ZBTB20: variants seen among roughly 807,000 people sequenced by gnomAD.
The protein encoded by ZBTB20 is zinc finger and BTB domain containing 20.
ZBTB20 carries 9 observed loss-of-function variants against 56.9 expected under a neutral mutation model. That is an observed-to-expected ratio of 0.16 (90% CI 0.10 to 0.28). The LOEUF (loss-of-function observed/expected upper bound fraction) is 0.28, where lower values mean the gene tolerates loss of function less well. Ranked by LOEUF, ZBTB20 falls within the 10% of genes least tolerant of loss-of-function variation. The pLI is 1.00. For synonymous variants in ZBTB20, 417 were observed against 420.7 expected (o/e 0.99, Z 0.11); for missense variants, 655 against 1,003.0 (o/e 0.65, Z 4.69).
chr3:114,898,746 A>G (rs1222859006), intron 4 of ZBTB20, among the ~76,000 whole-genome samples: 1 of 152,138 alleles, frequency 6.6e-6, no homozygotes, highest in Non-Finnish European at 1.5e-5. Flanking sequence ...TAAAAATACA[A>G]AAAAGGATTC....
chr3:114,373,067 C>T (rs1287159413), intron 10 of ZBTB20, among the ~76,000 whole-genome samples: 1 of 151,998 alleles, frequency 6.6e-6, no homozygotes, highest in East Asian at 1.9e-4. Context: ...GAGGCACGTG[C>T]CACCATGCCC....
At chr3:114,782,397 A>AC (rs1359420236) in intron 5 of ZBTB20, among the ~76,000 whole-genome samples, 1 of 152,170 alleles carries the variant, frequency 6.6e-6, no homozygotes, top group Non-Finnish European at 1.5e-5. Context: ...TATCCAATGG[A>AC]GGGGCGTGTT....
At chr3:115,008,756 G>A (rs186551278) in intron 2 of ZBTB20, among the ~76,000 whole-genome samples, 5 of 151,846 alleles carry the variant, frequency 3.3e-5, no homozygotes, top group Admixed American at 1.3e-4. Context: ...TTTTTTCTTG[G>A]TAGGAGATAA....
intron 6 of ZBTB20, among the ~76,000 whole-genome samples, chr3:114,685,336 C>T (rs922385447): frequency 1.3e-5 from 2 of 152,086 alleles, no homozygotes; most frequent in African/African-American, 4.8e-5. Context: ...TGTATCAAGC[C>T]TCATGATTTC....
intron 5 of ZBTB20, among the ~76,000 whole-genome samples, chr3:114,751,256 T>C (rs538351812): frequency 6.6e-6 from 1 of 152,276 alleles, no homozygotes; most frequent in East Asian, 1.9e-4. Flanking sequence ...CAAGTACCTA[T>C]TATGTTCCAA....
chr3:114,609,223 A>G (rs1412626645), intron 6 of ZBTB20, among the ~76,000 whole-genome samples: 1 of 152,244 alleles, frequency 6.6e-6, no homozygotes, highest in African/African-American at 2.4e-5. Flanking sequence ...ACTAACCAAG[A>G]AACAAAAATA....
chr3:114,430,349 G>C (rs929918507), intron 7 of ZBTB20, among the ~76,000 whole-genome samples: 1 of 152,140 alleles, frequency 6.6e-6, no homozygotes, highest in Non-Finnish European at 1.5e-5. Flanking sequence ...ATTGTGTTTT[G>C]AGCAGACATA....
chr3:114,358,746 G>A (rs1391218582), intron 10 of ZBTB20, among the ~76,000 whole-genome samples: 2 of 152,188 alleles, frequency 1.3e-5, no homozygotes, highest in African/African-American at 2.4e-5. Context: ...GAATACCCCA[G>A]TATAAATGGA....
intron 1 of ZBTB20, among the ~76,000 whole-genome samples, chr3:115,114,323 G>A (rs1370987323): frequency 6.6e-6 from 1 of 151,936 alleles, no homozygotes; most frequent in Non-Finnish European, 1.5e-5. Flanking sequence ...GAGGGGTGGT[G>A]GTAAGTTGAG....
chr3:114,588,580 C>G (rs990303235), intron 6 of ZBTB20, among the ~76,000 whole-genome samples: 11 of 152,018 alleles, frequency 7.2e-5, no homozygotes, highest in Admixed American at 7.2e-4. Context: ...TTCTTGATGT[C>G]TCCCAAACAC....
In ZBTB20 at chr3:114,885,768, C is replaced by T. The variant is rs138134193; in HGVS notation, c.-417+14536G>A. On this transcript the variant is annotated intron_variant, in intron 4 of 11. Coordinates refer to ENST00000675478, the MANE Select transcript of ZBTB20 (RefSeq NM_001348800.3). ...CTTTTCTGGCAGGGAAGCCTAAGCTCATTTGTAAAATTTTTCTGTCCTCTG... is the reference window on the plus strand; with the variant it reads ...CTTTTCTGGCAGGGAAGCCTAAGCTTATTTGTAAAATTTTTCTGTCCTCTG... 9.2e-5 allele frequency among the ~76,000 whole-genome samples: 14 copies of T among 152,194 alleles called. No individual in the cohort carries two copies. In the East Asian group the frequency reaches 2.5e-3, roughly 27 times the overall value.
intron 2 of ZBTB20, among the ~76,000 whole-genome samples, chr3:115,009,463 T>C (rs1431785807): frequency 6.6e-6 from 1 of 151,878 alleles, no homozygotes; most frequent in Non-Finnish European, 1.5e-5. Context: ...ATAAATCCAG[T>C]AAAATAATTA....
At chr3:114,373,080 C>A (rs1157257398) in intron 10 of ZBTB20, among the ~76,000 whole-genome samples, 2 of 151,992 alleles carry the variant, frequency 1.3e-5, no homozygotes, top group East Asian at 1.9e-4. Context: ...CCATGCCCAG[C>A]TAATTTTTCT....
chr3:115,086,769 G>C (rs1192893316), intron 1 of ZBTB20, among the ~76,000 whole-genome samples: 1 of 151,708 alleles, frequency 6.6e-6, no homozygotes, highest in Non-Finnish European at 1.5e-5. Context: ...GTCTGTGTTT[G>C]TACTATGTCT....
intron 1 of ZBTB20, chr3:115,100,430 G>A (rs1013146901): frequency 2.0e-5 from 3 of 147,962 alleles, no homozygotes; most frequent in African/African-American, 7.4e-5. Context: ...GAGAAGAGGA[G>A]AGAGAGAGAG....
At chr3:115,045,623 G>A (rs1226522037) in intron 2 of ZBTB20, among the ~76,000 whole-genome samples, 1 of 151,344 alleles carries the variant, frequency 6.6e-6, no homozygotes, top group East Asian at 1.9e-4. Flanking sequence ...GTGTTATAAA[G>A]TTCTTCAGAA....
intron 5 of ZBTB20, among the ~76,000 whole-genome samples, chr3:114,721,511 C>T (rs1224621141): frequency 2.6e-5 from 4 of 152,160 alleles, no homozygotes; most frequent in Non-Finnish European, 4.4e-5. Context: ...GTGCCAGGCA[C>T]CGAACTATGT....
chr3:114,917,711 T>C (rs2075799361), intron 3 of ZBTB20, among the ~76,000 whole-genome samples: 1 of 152,160 alleles, frequency 6.6e-6, no homozygotes, highest in African/African-American at 2.4e-5. Context: ...TTCCATTACT[T>C]TCTCCCAAAC....
chr3:114,890,136 C>T (rs2076751422), intron 4 of ZBTB20, among the ~76,000 whole-genome samples: 1 of 152,004 alleles, frequency 6.6e-6, no homozygotes, highest in Admixed American at 6.5e-5. Context: ...CTCTTTATTC[C>T]CTGAAACCAG....
Sources: gnomAD v4.1 joint callset for allele counts (sites outside exome capture counted in the v4.1 genomes callset) on GRCh38, gnomAD v4.1.1 for gene constraint, MANE v1.5 for transcripts, NCBI Gene and HGNC (gene_info 2026-07-23, HGNC 2026-07-21) for gene names.